The following CWC27 variants were observed in gnomAD, a reference collection of about 807,000 sequenced individuals.
The protein encoded by CWC27 is CWC27 spliceosome associated cyclophilin.
CWC27 carries 47 observed loss-of-function variants against 63.6 expected under a neutral mutation model. The ratio of observed to expected loss-of-function variants is 0.74; its 90% CI spans 0.58 to 0.94. The LOEUF (loss-of-function observed/expected upper bound fraction) is 0.94, where lower values mean the gene tolerates loss of function less well. Ranked by LOEUF, CWC27 falls within the 40% of genes least tolerant of loss-of-function variation. The probability of loss-of-function intolerance (pLI) is 0.00; values close to 1 mark genes in which losing one functional copy is unlikely to be tolerated. For synonymous variants in CWC27, 175 were observed against 179.8 expected (o/e 0.97, Z 0.22); for missense variants, 495 against 554.3 (o/e 0.89, Z 1.07).
intron 2 of CWC27, among the ~76,000 whole-genome samples, chr5:64,781,528 T>G (rs909339000): frequency 1.3e-5 from 2 of 152,314 alleles, no homozygotes; most frequent in East Asian, 3.9e-4. Flanking sequence ...ATAGGGTGTT[T>G]AGCAGTATCC....
At chr5:64,909,969 T>C (rs1392460778) in intron 11 of CWC27, among the ~76,000 whole-genome samples, 2 of 152,344 alleles carry the variant, frequency 1.3e-5, no homozygotes, top group East Asian at 3.9e-4. Context: ...TTTGTTCCAT[T>C]GCTGGCAAGG....
intron 11 of CWC27, among the ~76,000 whole-genome samples, chr5:64,912,682 TA>T (rs923276755): frequency 6.6e-6 from 1 of 152,140 alleles, no homozygotes; most frequent in African/African-American, 2.4e-5. Context: ...TCATGAGTTT[TA>T]AAAAGGATTT....
At chr5:65,002,962 G>A (rs1281836986) in intron 13 of CWC27, among the ~76,000 whole-genome samples, 2 of 152,060 alleles carry the variant, frequency 1.3e-5, no homozygotes, top group African/African-American at 4.8e-5. Context: ...ATATGTCTGG[G>A]TGCTCGAATG....
At chr5:65,018,122 T>C (rs1260709829) in intron 13 of CWC27, 37 bp from the exon 14 acceptor site, 2 of 1,530,276 alleles carry the variant, frequency 1.3e-6, no homozygotes, top group South Asian at 1.3e-5. Context: ...TAAGTTCCCA[T>C]GCAAGAAATC....
chr5:64,991,569 A>G (rs1749536541), intron 13 of CWC27, among the ~76,000 whole-genome samples: 1 of 152,094 alleles, frequency 6.6e-6, no homozygotes, highest in Admixed American at 6.5e-5. Context: ...TACAAAACAG[A>G]TTTAAAATTA....
At chr5:64,938,502 G>A (rs1748405939) in intron 11 of CWC27, among the ~76,000 whole-genome samples, 1 of 152,154 alleles carries the variant, frequency 6.6e-6, no homozygotes, top group Non-Finnish European at 1.5e-5. Flanking sequence ...TTCCCATTGT[G>A]GGTAACCTGA....
chr5:65,016,953 T>C (rs1301854019), intron 13 of CWC27, among the ~76,000 whole-genome samples: 2 of 152,222 alleles, frequency 1.3e-5, no homozygotes, highest in African/African-American at 2.4e-5. Flanking sequence ...AGTTTAACCC[T>C]ATCTGCTGTG....
At chr5:64,962,174 T>G (rs1369687826) in intron 11 of CWC27, among the ~76,000 whole-genome samples, 1 of 152,232 alleles carries the variant, frequency 6.6e-6, no homozygotes, top group Non-Finnish European at 1.5e-5. Context: ...GAGAAATAGA[T>G]GTGCTACTTC....
chr5:64,929,468 C>G (rs1001964599), intron 11 of CWC27, among the ~76,000 whole-genome samples: 11 of 152,106 alleles, frequency 7.2e-5, no homozygotes, highest in Non-Finnish European at 1.6e-4. Flanking sequence ...ACTGTTAAAT[C>G]TGGAATTACT....
chr5:64,799,606 A>ATATATATATATATATATATATATCT (rs1272954189), intron 7 of CWC27, among the ~76,000 whole-genome samples: 1 of 149,580 alleles, frequency 6.7e-6, no homozygotes, highest in Non-Finnish European at 1.5e-5. Context: ...ATATATACTT[A>ATATATATATATATATATATATATCT]ATAGCAGCAG....
chr5:64,781,816 T>G, intron 2 of CWC27, 105 bp from the exon 3 acceptor site: 2 of 535,074 alleles, frequency 3.7e-6, no homozygotes, highest in Non-Finnish European at 3.2e-6. Context: ...GGAGCGTATT[T>G]AACATTCTGG....
intron 10 of CWC27, among the ~76,000 whole-genome samples, chr5:64,861,914 TA>T (rs1345917367): frequency 3.9e-5 from 6 of 152,248 alleles, no homozygotes; most frequent in Non-Finnish European, 7.3e-5. Context: ...ATAACGATTT[TA>T]ATACAATGTC....
At chr5:64,924,551 T>G (rs1171750499) in intron 11 of CWC27, among the ~76,000 whole-genome samples, 2 of 152,248 alleles carry the variant, frequency 1.3e-5, no homozygotes, top group South Asian at 2.1e-4. Flanking sequence ...CAGTCTTCTT[T>G]TATCCTCCTA....
At chr5:64,870,622 A>T (rs1046452256) in intron 10 of CWC27, among the ~76,000 whole-genome samples, 1 of 152,230 alleles carries the variant, frequency 6.6e-6, no homozygotes, top group Non-Finnish European at 1.5e-5. Context: ...CATAATGTCT[A>T]CCAAATTTGT....
intron 1 of CWC27, among the ~76,000 whole-genome samples, chr5:64,772,595 C>G (rs1225920331): frequency 8.4e-6 from 1 of 119,758 alleles, no homozygotes; most frequent in African/African-American, 3.2e-5. Flanking sequence ...CCACTGCACT[C>G]GGGTCTGGGA....
intron 10 of CWC27, among the ~76,000 whole-genome samples, chr5:64,843,308 C>G (rs1000589953): frequency 6.6e-6 from 1 of 152,166 alleles, no homozygotes; most frequent in Non-Finnish European, 1.5e-5. Flanking sequence ...CTCAAGAGAG[C>G]CTTTCTTTGA....
chr5:64,814,999 G>A (rs1350713017), intron 10 of CWC27, among the ~76,000 whole-genome samples: 5 of 152,048 alleles, frequency 3.3e-5, no homozygotes, highest in Admixed American at 6.6e-5. Flanking sequence ...GTATATTCCA[G>A]ATGACTCCTA....
chr5:64,826,643 T>G (rs1745368141), intron 10 of CWC27, among the ~76,000 whole-genome samples: 2 of 152,056 alleles, frequency 1.3e-5, no homozygotes, highest in Admixed American at 6.5e-5. Flanking sequence ...TCTGACTTTA[T>G]AGTTCACTAA....
chr5:64,839,639 G>A (rs2112276508), intron 10 of CWC27, among the ~76,000 whole-genome samples: 1 of 152,326 alleles, frequency 6.6e-6, no homozygotes. Context: ...GGGAATAGAA[G>A]TGTTGGGCTG....
Sources: gnomAD v4.1 joint callset for allele counts (sites outside exome capture counted in the v4.1 genomes callset) on GRCh38, gnomAD v4.1.1 for gene constraint, MANE v1.5 for transcripts, NCBI Gene and HGNC (gene_info 2026-07-23, HGNC 2026-07-21) for gene names.